CCDC178: variants seen among roughly 807,000 people sequenced by gnomAD.
CCDC178 encodes the protein coiled-coil domain-containing protein 178.
In CCDC178, 126 loss-of-function variants were observed where a neutral mutation model predicts 117.4. That is an observed-to-expected ratio of 1.07 (90% CI 0.93 to 1.24). The LOEUF (loss-of-function observed/expected upper bound fraction) is 1.24. Among genes scored for constraint, CCDC178 ranks in the 50% most tolerant of loss-of-function variants. The probability of loss-of-function intolerance (pLI) is 0.00; values close to 1 mark genes in which losing one functional copy is unlikely to be tolerated. For synonymous variants in CCDC178, 283 were observed against 313.4 expected, an observed-to-expected ratio of 0.90 and a Z score of 1.02; for missense variants, 1,030 against 986.9, an observed-to-expected ratio of 1.04 and a Z score of -0.59.
intron 11 of CCDC178, among the ~76,000 whole-genome samples, chr18:33,296,972 C>T (rs1285884801): frequency 1.3e-5 from 2 of 152,078 alleles, no homozygotes; most frequent in African/African-American, 4.8e-5. Flanking sequence ...TGTAGTGAAT[C>T]AAGATTGTGT....
chr18:33,224,966 C>T, intron 16 of CCDC178, 30 bp from the exon 17 acceptor site: 1 of 1,451,960 alleles, frequency 6.9e-7, no homozygotes. Flanking sequence ...ATAAATCATT[C>T]AGTTATTAAC....
intron 12 of CCDC178, among the ~76,000 whole-genome samples, chr18:33,277,766 GTTC>G (rs1310910986): frequency 6.6e-6 from 1 of 152,048 alleles, no homozygotes; most frequent in Non-Finnish European, 1.5e-5. Context: ...TCTCTGACTT[GTTC>G]TTCTCTCAGC....
In CCDC178 at chr18:33,299,007, G is replaced by A. The variant is rs1019770881; in HGVS notation, c.1023-5695C>T. Among the ~76,000 whole-genome samples the A allele has an allele frequency of 5.9e-5, 9 of 152,030 alleles. No individual in the cohort carries two copies. The East Asian group carries it at 7.7e-4, about 13-fold the overall frequency. Reference sequence around the variant, plus strand: ...CAAAAATGGAGATATCCTAGCTCACGGATTGAAAGAATATTGTCAAAATGA... The same window carrying A: ...CAAAAATGGAGATATCCTAGCTCACAGATTGAAAGAATATTGTCAAAATGA... On this transcript the variant is annotated intron_variant, in intron 11 of 22. Coordinates refer to ENST00000383096, the MANE Select transcript of CCDC178 (RefSeq NM_001105528.4).
chr18:33,399,406 G>A (rs1048775264), intron 3 of CCDC178, among the ~76,000 whole-genome samples: 4 of 152,266 alleles, frequency 2.6e-5, no homozygotes, highest in South Asian at 2.1e-4. Context: ...TCTTTGTAGC[G>A]TGTGATGCTG....
intron 10 of CCDC178, among the ~76,000 whole-genome samples, chr18:33,327,692 G>A (rs1337322524): frequency 6.6e-6 from 1 of 152,002 alleles, no homozygotes; most frequent in African/African-American, 2.4e-5. Flanking sequence ...ATTTTTTAAA[G>A]ACTAATGATG....
chr18:33,219,312 T>TTTTA (rs1433868687), intron 18 of CCDC178, among the ~76,000 whole-genome samples: 12 of 152,056 alleles, frequency 7.9e-5, no homozygotes, highest in African/African-American at 2.9e-4. Context: ...ACAGGAACAC[T>TTTTA]TTTACACTGT....
chr18:33,408,600 T>A (rs2063811710), intron 3 of CCDC178, among the ~76,000 whole-genome samples: 1 of 152,012 alleles, frequency 6.6e-6, no homozygotes, highest in South Asian at 2.1e-4. Flanking sequence ...AAATTATAAG[T>A]GCACAAATAT....
chr18:33,216,909 A>G (rs1237717801), intron 18 of CCDC178, among the ~76,000 whole-genome samples: 1 of 152,078 alleles, frequency 6.6e-6, no homozygotes, highest in Non-Finnish European at 1.5e-5. Context: ...GAGAGCGGAC[A>G]GGTGTGAGTA....
chr18:33,123,732 C>G (rs1009385896), intron 20 of CCDC178, among the ~76,000 whole-genome samples: 1 of 152,084 alleles, frequency 6.6e-6, no homozygotes, highest in Admixed American at 6.6e-5. Context: ...CAAATTCTAT[C>G]AAATTTGAGA....
At position 33,208,583 on chromosome 18, in the gene CCDC178, A is replaced by ACT. The variant is rs1315324365; in HGVS notation, c.2238+3311_2238+3312dup. ...CATTGAGTGCCTTGAATACAGTAAT[A>ACT]CTCATGAAATAGTTGTGAGAATGTA... On this transcript the variant is annotated intron_variant, in intron 20 of 22. Transcript: ENST00000383096. 2.0e-5 allele frequency among the ~76,000 whole-genome samples: 3 copies of ACT among 152,026 alleles called. No homozygotes were observed. In the East Asian group the frequency reaches 5.8e-4, roughly 29 times the overall value.
At chr18:33,222,459 G>C (rs1001239861) in intron 18 of CCDC178, among the ~76,000 whole-genome samples, 2 of 151,992 alleles carry the variant, frequency 1.3e-5, no homozygotes, top group Non-Finnish European at 2.9e-5. Context: ...CAAGAACTAG[G>C]CAACAACAGA....
intron 20 of CCDC178, among the ~76,000 whole-genome samples, chr18:33,132,155 G>A (rs2058074668): frequency 6.6e-6 from 1 of 151,662 alleles, no homozygotes. Context: ...TGATAGATGA[G>A]TAAAGTGAGT....
At chr18:33,140,463 C>T (rs557377119) in intron 20 of CCDC178, among the ~76,000 whole-genome samples, 15 of 152,338 alleles carry the variant, frequency 9.8e-5, no homozygotes, top group Non-Finnish European at 1.9e-4. Flanking sequence ...TGAGAACCCA[C>T]CTCTTGCATC....
At chr18:33,246,403 C>T (rs1372407778) in intron 14 of CCDC178, among the ~76,000 whole-genome samples, 1 of 151,690 alleles carries the variant, frequency 6.6e-6, no homozygotes, top group Non-Finnish European at 1.5e-5. Context: ...AGTAGCACTG[C>T]TCAAGAGGTT....
chr18:33,058,968 A>G (rs1481965748), intron 21 of CCDC178, among the ~76,000 whole-genome samples: 1 of 152,144 alleles, frequency 6.6e-6, no homozygotes, highest in Non-Finnish European at 1.5e-5. Context: ...TACAATATTT[A>G]TAAGTTCCAA....
At chr18:33,118,835 A>T (rs1162881621) in intron 20 of CCDC178, among the ~76,000 whole-genome samples, 2 of 152,196 alleles carry the variant, frequency 1.3e-5, no homozygotes, top group African/African-American at 4.8e-5. Context: ...ACTGGTACCA[A>T]AACAGAGATA....
chr18:33,426,174 G>T (rs182066974), intron 2 of CCDC178, among the ~76,000 whole-genome samples: 1 of 152,214 alleles, frequency 6.6e-6, no homozygotes, highest in Non-Finnish European at 1.5e-5. Context: ...TTCCTGAAGT[G>T]CTGGGATTAC....
Position 33,389,603 on chromosome 18 carries a change from G to C in CCDC178, c.145C>G (p.Leu49Val), listed in dbSNP as rs76952832. ...CTGTTCTCCTTAGAGGCTCCATATA[G>C]AACCAAACTTTGAGACATGGCATTG... ...EGNAMSQSLV[L>V]YGASKENSEG... Residue 49 changes from leucine (L) to valine (V), a missense_variant, in exon 5 of 23, where the codon CTA (leucine) becomes GTA (valine). Transcript: ENST00000383096. The C allele has an allele frequency of 6.6e-7, 1 of 1,511,042 alleles. No individual in the cohort carries two copies. The highest frequency in any genetic ancestry group is 8.8e-7 in the Non-Finnish European group (1 of 1,131,752). The allele number at this position is 1,511,042 out of a possible 1,614,324, so 93.6% of individuals were successfully genotyped here.
At chr18:33,032,614 A>G (rs2056364793) in intron 21 of CCDC178, among the ~76,000 whole-genome samples, 1 of 152,114 alleles carries the variant, frequency 6.6e-6, no homozygotes, top group Admixed American at 6.6e-5. Flanking sequence ...GACGCTATAT[A>G]GGCAGCTGAG....
Sources: allele counts gnomAD v4.1 joint callset (sites outside exome capture counted in the v4.1 genomes callset), GRCh38; gene constraint gnomAD v4.1.1; transcripts MANE v1.5; gene names NCBI Gene and HGNC (gene_info 2026-07-23, HGNC 2026-07-21).